ZBTB20: variants seen among roughly 807,000 people sequenced by gnomAD.
ZBTB20 encodes the protein zinc finger and BTB domain containing 20.
ZBTB20 carries 9 observed loss-of-function variants against 56.9 expected under a neutral mutation model. The observed-to-expected ratio is 0.16, with a 90% CI of 0.10 to 0.28. The LOEUF (loss-of-function observed/expected upper bound fraction) is 0.28. Among genes scored for constraint, ZBTB20 ranks in the 10% least tolerant of loss-of-function variants. The pLI is 1.00. For synonymous variants in ZBTB20, 417 were observed against 420.7 expected (o/e 0.99, Z 0.11); for missense variants, 655 against 1,003.0 (o/e 0.65, Z 4.69).
intron 7 of ZBTB20, among the ~76,000 whole-genome samples, chr3:114,421,581 T>C (rs2089178649): frequency 6.6e-6 from 1 of 152,102 alleles, no homozygotes; most frequent in Non-Finnish European, 1.5e-5. Context: ...GTCCTCCTGG[T>C]TTTAATAGCT....
At chr3:114,555,635 A>G (rs1295901213) in intron 6 of ZBTB20, among the ~76,000 whole-genome samples, 1 of 152,080 alleles carries the variant, frequency 6.6e-6, no homozygotes, top group Non-Finnish European at 1.5e-5. Context: ...CCAAGGTATC[A>G]CCATTTATCA....
chr3:114,390,089 G>C lies in ZBTB20; in HGVS notation c.-254-984C>G, dbSNP rs150335133. On this transcript the variant is annotated intron_variant, in intron 7 of 11. Transcript: ENST00000675478. Reference sequence around the variant, plus strand: ...GTCCTTTGACTGATGTCTCCTCAGCGTCTGGCAGCCACCATTCTAATTTTT... The same window carrying C: ...GTCCTTTGACTGATGTCTCCTCAGCCTCTGGCAGCCACCATTCTAATTTTT... Among the ~76,000 whole-genome samples, 15 of 152,074 alleles carry C rather than the reference G, an allele frequency of 9.9e-5. No individual in the cohort carries two copies. The East Asian group carries it at 2.9e-3, about 29-fold the overall frequency.
At chr3:114,566,746 A>G (rs2052802066) in intron 6 of ZBTB20, among the ~76,000 whole-genome samples, 1 of 152,234 alleles carries the variant, frequency 6.6e-6, no homozygotes, top group East Asian at 1.9e-4. Context: ...CAGTTCCTCT[A>G]AATACAGTTG....
At chr3:114,427,513 G>C (rs1292342850) in intron 7 of ZBTB20, among the ~76,000 whole-genome samples, 1 of 152,196 alleles carries the variant, frequency 6.6e-6, no homozygotes, top group Admixed American at 6.5e-5. Context: ...GGTTAAGATA[G>C]AGCTTAATGG....
intron 3 of ZBTB20, among the ~76,000 whole-genome samples, chr3:114,924,255 C>T (rs1021539464): frequency 2.0e-5 from 3 of 152,140 alleles, no homozygotes; most frequent in African/African-American, 7.2e-5. Context: ...TCTGTACCCT[C>T]ATAATTATTG....
intron 5 of ZBTB20, among the ~76,000 whole-genome samples, chr3:114,770,341 G>C (rs568586342): frequency 6.6e-6 from 1 of 151,850 alleles, no homozygotes; most frequent in Admixed American, 6.6e-5. Flanking sequence ...TCAGGAGGCT[G>C]AGGCAGGAAA....
intron 6 of ZBTB20, among the ~76,000 whole-genome samples, chr3:114,651,605 G>A (rs1332520715): frequency 1.4e-5 from 2 of 145,066 alleles, no homozygotes; most frequent in East Asian, 4.1e-4. Flanking sequence ...ATTCTTTGAA[G>A]TTTTAAACCT....
chr3:114,474,616 G>A (rs1263800919), intron 7 of ZBTB20, among the ~76,000 whole-genome samples: 1 of 151,908 alleles, frequency 6.6e-6, no homozygotes, highest in Non-Finnish European at 1.5e-5. Flanking sequence ...ATACCCAGTC[G>A]GCACCTTCAC....
chr3:114,655,681 T>A, intron 6 of ZBTB20, among the ~76,000 whole-genome samples: 1 of 152,228 alleles, frequency 6.6e-6, no homozygotes, highest in Admixed American at 6.5e-5. Flanking sequence ...GCCTCTTTAA[T>A]TATCACTGTT....
At chr3:114,660,178 A>T (rs1248466663) in intron 6 of ZBTB20, among the ~76,000 whole-genome samples, 1 of 152,274 alleles carries the variant, frequency 6.6e-6, no homozygotes, top group Non-Finnish European at 1.5e-5. Flanking sequence ...AGCCTGTTCT[A>T]ATCTCCCTTT....
chr3:114,614,300 A>G (rs2057765891), intron 6 of ZBTB20, among the ~76,000 whole-genome samples: 2 of 152,198 alleles, frequency 1.3e-5, no homozygotes, highest in African/African-American at 4.8e-5. Flanking sequence ...TTGGGGTAAC[A>G]TATATCAGAG....
chr3:114,929,916 A>G (rs1238407137), intron 3 of ZBTB20, among the ~76,000 whole-genome samples: 1 of 152,240 alleles, frequency 6.6e-6, no homozygotes, highest in East Asian at 1.9e-4. Flanking sequence ...TTCTACAAAC[A>G]TAAATTATAT....
intron 6 of ZBTB20, among the ~76,000 whole-genome samples, chr3:114,563,175 T>C (rs1385265766): frequency 6.6e-6 from 1 of 152,204 alleles, no homozygotes; most frequent in Non-Finnish European, 1.5e-5. Context: ...ACAAAGATGC[T>C]GGGTAGCCAA....
At chr3:115,091,573 G>A (rs1294033331) in intron 1 of ZBTB20, among the ~76,000 whole-genome samples, 1 of 151,868 alleles carries the variant, frequency 6.6e-6, no homozygotes, top group African/African-American at 2.4e-5. Flanking sequence ...ATAAAAGGAA[G>A]AAGGTAATTT....
chr3:115,055,266 A>G (rs1445131453), intron 2 of ZBTB20, among the ~76,000 whole-genome samples: 2 of 143,806 alleles, frequency 1.4e-5, no homozygotes, highest in Non-Finnish European at 3.0e-5. Context: ...GTCATGTCAT[A>G]AGGACACTCA....
intron 7 of ZBTB20, among the ~76,000 whole-genome samples, chr3:114,466,112 T>C (rs1247413234): frequency 6.6e-6 from 1 of 152,126 alleles, no homozygotes; most frequent in Non-Finnish European, 1.5e-5. Context: ...AAATATCTAG[T>C]TGCAGCTATG....
At chr3:114,966,521 C>G (rs902984271) in intron 3 of ZBTB20, among the ~76,000 whole-genome samples, 2 of 151,964 alleles carry the variant, frequency 1.3e-5, no homozygotes, top group Non-Finnish European at 2.9e-5. Flanking sequence ...ATTATAACCC[C>G]AAGAGATAGA....
At chr3:114,848,195 A>G (rs1203488936) in intron 4 of ZBTB20, among the ~76,000 whole-genome samples, 8 of 152,222 alleles carry the variant, frequency 5.3e-5, no homozygotes, top group Non-Finnish European at 1.2e-4. Flanking sequence ...GATTAGATGT[A>G]GACTGATGCC....
rs562359460 is a variant in ZBTB20, at chr3:114,522,375, T to A, written c.-294-21984A>T. On this transcript the variant is annotated intron_variant, in intron 6 of 11. Transcript: ENST00000675478. Reference sequence around the variant, plus strand: ...GAGTGAGCTAGGGTGGAGCGCTAAATGAAGACAGAGAGGTAATGGGGAAAT... The same window carrying A: ...GAGTGAGCTAGGGTGGAGCGCTAAAAGAAGACAGAGAGGTAATGGGGAAAT... Among the ~76,000 whole-genome samples the A allele has an allele frequency of 7.2e-5, 11 of 152,208 alleles. No individual in the cohort carries two copies. In the South Asian group the frequency reaches 2.3e-3, roughly 32 times the overall value.
Sources: allele counts gnomAD v4.1 joint callset (sites outside exome capture counted in the v4.1 genomes callset), GRCh38; gene constraint gnomAD v4.1.1; transcripts MANE v1.5; gene names NCBI Gene and HGNC (gene_info 2026-07-23, HGNC 2026-07-21).